Variants in PPARG observed in about 807,000 individuals in gnomAD.
The protein encoded by PPARG is peroxisome proliferator activated receptor gamma.
In PPARG, 17 loss-of-function variants were observed where a neutral mutation model predicts 39.2. The ratio of observed to expected loss-of-function variants is 0.43; its 90% CI spans 0.30 to 0.65. The LOEUF (loss-of-function observed/expected upper bound fraction) is 0.65. Among genes scored for constraint, PPARG ranks in the 30% least tolerant of loss-of-function variants. The pLI is 0.13. For synonymous variants in PPARG, 223 were observed against 215.7 expected (o/e 1.03, Z -0.30); for missense variants, 406 against 585.9 (o/e 0.69, Z 3.17).
intron 7 of PPARG, among the ~76,000 whole-genome samples, chr3:12,429,508 A>G (rs1368645104): frequency 6.7e-6 from 1 of 149,506 alleles, no homozygotes; most frequent in African/African-American, 2.5e-5. Context: ...TCTTGAGCCC[A>G]GCATTCAAGA....
intron 2 of PPARG, among the ~76,000 whole-genome samples, chr3:12,339,799 T>C (rs2048123666): frequency 6.6e-6 from 1 of 152,214 alleles, no homozygotes; most frequent in South Asian, 2.1e-4. Flanking sequence ...ATTTCTGTTA[T>C]CTGTGAATCT....
intron 2 of PPARG, among the ~76,000 whole-genome samples, chr3:12,324,436 A>G (rs1367912112): frequency 6.6e-6 from 1 of 152,194 alleles, no homozygotes; most frequent in Non-Finnish European, 1.5e-5. Context: ...GTATAAAAGC[A>G]CTAGTTACAA....
At chr3:12,322,241 G>T (rs567971512) in intron 2 of PPARG, among the ~76,000 whole-genome samples, 19 of 152,262 alleles carry the variant, frequency 1.2e-4, no homozygotes, top group African/African-American at 4.6e-4. Context: ...TTTCTTTAGC[G>T]TTTGAAGCAG....
intron 5 of PPARG, among the ~76,000 whole-genome samples, chr3:12,404,336 A>C (rs1208966145): frequency 1.3e-5 from 2 of 152,194 alleles, no homozygotes; most frequent in African/African-American, 4.8e-5. Flanking sequence ...GTCAGCGATA[A>C]AATTTATTTA....
At chr3:12,421,874 G>C (rs1452841122) in intron 7 of PPARG, among the ~76,000 whole-genome samples, 4 of 152,172 alleles carry the variant, frequency 2.6e-5, no homozygotes, top group Non-Finnish European at 5.9e-5. Context: ...CCTTCTCTGT[G>C]AAGCCACTTT....
intron 2 of PPARG, among the ~76,000 whole-genome samples, chr3:12,331,987 G>A (rs145533598): frequency 0.011 from 1,746 of 152,310 alleles, 19 homozygotes; most frequent in South Asian, 0.033. Flanking sequence ...CTGAGGCAGA[G>A]ATATAAATTT....
chr3:12,301,644 T>C (rs947693333), intron 1 of PPARG: 1 of 152,172 alleles, frequency 6.6e-6, no homozygotes, highest in Non-Finnish European at 1.5e-5. Flanking sequence ...GGCCTTCATC[T>C]GTGGGTGTAG....
chr3:12,434,262 G>T lies in PPARG; in HGVS notation c.*117G>T. ...AGCATTTTAAAAAGAAAAGGTTTTA[G>T]AATATGATCTATTTTATGCATATTG... On this transcript the variant is annotated 3_prime_UTR_variant, in exon 8 of 8. Transcript: ENST00000651735. The surrounding 1 kb of genome is among the most constrained non-coding windows in gnomAD (Gnocchi z 4.2). The T allele has an allele frequency of 7.5e-7, 1 of 1,335,952 alleles. No homozygotes were observed. The highest frequency in any genetic ancestry group is 1.0e-6 in the Non-Finnish European group (1 of 954,614). 82.8% of individuals were successfully genotyped at this position (1,335,952 alleles called of 1,614,324 possible).
intron 5 of PPARG, among the ~76,000 whole-genome samples, 197 bp from the exon 6 acceptor site, chr3:12,405,685 C>T (rs761187147): frequency 3.9e-5 from 6 of 152,126 alleles, no homozygotes; most frequent in East Asian, 1.9e-4. Context: ...TGAAAGTTAA[C>T]GGTTTAATTT....
chr3:12,425,767 G>A (rs779979350), intron 7 of PPARG, among the ~76,000 whole-genome samples: 11 of 152,272 alleles, frequency 7.2e-5, no homozygotes, highest in Admixed American at 4.6e-4. Context: ...GGAGCAAACC[G>A]CATGGCTGGA....
chr3:12,288,280 G>T (rs1283171608), upstream of PPARG, among the ~76,000 whole-genome samples: 2 of 151,982 alleles, frequency 1.3e-5, no homozygotes, highest in Non-Finnish European at 2.9e-5. Flanking sequence ...CCGGGTGAAG[G>T]GGTCTTGGGC....
At chr3:12,412,302 T>C (rs2050904749) in intron 6 of PPARG, among the ~76,000 whole-genome samples, 1 of 152,202 alleles carries the variant, frequency 6.6e-6, no homozygotes, top group Non-Finnish European at 1.5e-5. Context: ...AATTACTCTA[T>C]TTTCATCATT....
At chr3:12,422,775 T>C (rs911918926) in intron 7 of PPARG, among the ~76,000 whole-genome samples, 4 of 151,628 alleles carry the variant, frequency 2.6e-5, no homozygotes, top group Admixed American at 6.6e-5. Flanking sequence ...CAAGCTACTC[T>C]GGAGGCTGAG....
intron 2 of PPARG, among the ~76,000 whole-genome samples, chr3:12,370,849 T>C (rs1257016971): frequency 1.3e-5 from 2 of 152,214 alleles, no homozygotes; most frequent in African/African-American, 4.8e-5. Context: ...ACATAGACTT[T>C]CCTGGCTGCT....
intron 2 of PPARG, among the ~76,000 whole-genome samples, chr3:12,341,131 T>G (rs899603669): frequency 8.0e-5 from 12 of 150,678 alleles, no homozygotes; most frequent in Admixed American, 7.9e-4. Flanking sequence ...TGCAGTGAGC[T>G]GAGATCACGC....
intron 7 of PPARG, among the ~76,000 whole-genome samples, chr3:12,423,738 A>G (rs1373556355): frequency 6.6e-6 from 1 of 152,244 alleles, no homozygotes. Flanking sequence ...CCAGCTAAAT[A>G]TTTACCTCCC....
At chr3:12,393,755 A>G (rs1336379469) in intron 5 of PPARG, among the ~76,000 whole-genome samples, 1 of 152,130 alleles carries the variant, frequency 6.6e-6, no homozygotes, top group Non-Finnish European at 1.5e-5. Context: ...TATGTACTCT[A>G]AAGCATCTGA....
At chr3:12,351,794 A>G in intron 2 of PPARG, 1 of 787,632 alleles carries the variant, frequency 1.3e-6, no homozygotes, top group South Asian at 1.4e-5. Context: ...TGTACACTCC[A>G]GTATTTTAAT....
At chr3:12,302,882 G>C (rs1162801256) in intron 1 of PPARG, among the ~76,000 whole-genome samples, 3 of 152,160 alleles carry the variant, frequency 2.0e-5, no homozygotes, top group African/African-American at 4.8e-5. Context: ...GACATACCAT[G>C]AGGAGGGCCT....
Sources: gnomAD v4.1 joint callset for allele counts (sites outside exome capture counted in the v4.1 genomes callset) on GRCh38, gnomAD v4.1.1 for gene constraint, Gnocchi (gnomAD v3.1) non-coding constraint, MANE v1.5 for transcripts, NCBI Gene and HGNC (gene_info 2026-07-23, HGNC 2026-07-21) for gene names.